Variants in MNAT1 observed in about 807,000 individuals in gnomAD.
The protein encoded by MNAT1 is MNAT1 component of CDK activating kinase, also known as CDK-activating kinase assembly factor MAT1.
Under a neutral mutation model 42.0 loss-of-function variants are expected in MNAT1, and 43 were observed. That is an observed-to-expected ratio of 1.02 (90% confidence interval 0.80 to 1.32). The LOEUF (loss-of-function observed/expected upper bound fraction) is 1.32. MNAT1 is among the 40% of genes most tolerant of loss of function. The pLI is 0.00. For synonymous variants in MNAT1, 118 were observed against 120.0 expected (o/e 0.98, Z 0.11); for missense variants, 306 against 350.4 (o/e 0.87, Z 1.01).
rs1333536332 is a variant in MNAT1, at chr14:60,969,669, C to T, written c.*1320C>T. ...TATTCCTGTATCTATTAGGTATTCC[C>T]GAACTGAGGATTAGTGTTTTTAAGT... On this transcript the variant is annotated 3_prime_UTR_variant, in exon 8 of 8. Transcript: ENST00000261245. 3 of 151,800 alleles carry T rather than the reference C, an allele frequency of 2.0e-5. No homozygotes were observed. The highest frequency in any genetic ancestry group is 3.9e-4 in the East Asian group (2 of 5,190). The allele number at this position is 151,800 out of a possible 1,614,324, so 9.4% of individuals were successfully genotyped here.
intron 7 of MNAT1, among the ~76,000 whole-genome samples, chr14:60,945,476 C>T (rs2036252958): frequency 6.6e-6 from 1 of 152,060 alleles, no homozygotes; most frequent in African/African-American, 2.4e-5. Flanking sequence ...AATATGGGCC[C>T]AGTCTCAAAG....
At chr14:60,945,969 T>C (rs2036265387) in intron 7 of MNAT1, among the ~76,000 whole-genome samples, 1 of 152,200 alleles carries the variant, frequency 6.6e-6, no homozygotes, top group Admixed American at 6.5e-5. Context: ...AGCCACACTC[T>C]AACTATAAAC....
At chr14:60,784,015 T>A (rs12878775) in intron 1 of MNAT1, among the ~76,000 whole-genome samples, 2,855 of 151,606 alleles carry the variant, frequency 0.019, 106 homozygotes, top group African/African-American at 0.066. Context: ...TTATTTTATT[T>A]ATTTAATTTG....
intron 4 of MNAT1, among the ~76,000 whole-genome samples, chr14:60,810,988 A>G (rs545788609): frequency 2.6e-4 from 39 of 151,954 alleles, no homozygotes; most frequent in Admixed American, 1.2e-3. Context: ...ATTGCTGTCT[A>G]TCTCTCCCTT....
chr14:60,923,889 A>G (rs1199953647), intron 7 of MNAT1, among the ~76,000 whole-genome samples: 1 of 152,192 alleles, frequency 6.6e-6, no homozygotes, highest in African/African-American at 2.4e-5. Flanking sequence ...CTGAGAACCC[A>G]GGACTGCACT....
chr14:60,910,169 G>A (rs1022108668), intron 7 of MNAT1, among the ~76,000 whole-genome samples: 2 of 152,202 alleles, frequency 1.3e-5, no homozygotes, highest in African/African-American at 4.8e-5. Flanking sequence ...TTTGTACACT[G>A]ATTTTTTATC....
rs559822046 is a variant in MNAT1, at chr14:60,765,472, G to A, written c.89+30521G>A. Among the ~76,000 whole-genome samples the A allele has an allele frequency of 2.6e-5, 4 of 152,246 alleles. No homozygotes were observed. The East Asian group carries it at 7.7e-4, about 29-fold the overall frequency. The stretch of plus-strand genomic sequence containing the variant: ...ACCACCATGGCATGTGTATACTTAT[G>A]TAACAAACCTGCACGTTCTGCACAT... On this transcript the variant is annotated intron_variant, in intron 1 of 7. Coordinates refer to ENST00000261245, the MANE Select transcript of MNAT1 (RefSeq NM_002431.4).
intron 3 of MNAT1, among the ~76,000 whole-genome samples, chr14:60,801,409 A>G (rs1294274787): frequency 6.6e-6 from 1 of 152,246 alleles, no homozygotes; most frequent in Admixed American, 6.5e-5. Context: ...GTGAAGAAGT[A>G]ATCTACAGAG....
At chr14:60,951,266 CTTTTTTTT>C (rs33970682) in intron 7 of MNAT1, among the ~76,000 whole-genome samples, 2 of 87,892 alleles carry the variant, frequency 2.3e-5, no homozygotes, top group African/African-American at 8.8e-5. Flanking sequence ...CTTCCCCTCC[CTTTTTTTT>C]TTTTTTTTTT....
rs139518624 is a variant in MNAT1, at chr14:60,894,797, A to G, written c.809+14962A>G. 4.7e-3 allele frequency among the ~76,000 whole-genome samples: 722 copies of G among 152,226 alleles called. 5 individuals are homozygous for G. The highest frequency in any genetic ancestry group is 0.017 in the African/African-American group (687 of 41,548). ...GAAGTAGACTTTTGTCTTTGTCCAT[A>G]AAGACTGTACATACATTTTATATCT... On this transcript the variant is annotated intron_variant, in intron 7 of 7. Transcript: ENST00000261245.
intron 7 of MNAT1, among the ~76,000 whole-genome samples, chr14:60,963,072 C>T (rs1052014048): frequency 2.0e-5 from 3 of 152,150 alleles, no homozygotes; most frequent in Non-Finnish European, 2.9e-5. Flanking sequence ...ACCTCCACCT[C>T]CCGGGTTCAA....
intron 7 of MNAT1, among the ~76,000 whole-genome samples, chr14:60,950,564 C>A (rs1366752178): frequency 6.6e-6 from 1 of 152,152 alleles, no homozygotes. Context: ...AACACAAATT[C>A]GTAAACTTTC....
At chr14:60,926,047 C>T (rs998249372) in intron 7 of MNAT1, among the ~76,000 whole-genome samples, 2 of 152,136 alleles carry the variant, frequency 1.3e-5, no homozygotes, top group South Asian at 2.1e-4. Flanking sequence ...ACTTTCATCA[C>T]AATACTGTTC....
At chr14:60,742,475 ACAGT>A (rs1434675772) in intron 1 of MNAT1, among the ~76,000 whole-genome samples, 2 of 152,326 alleles carry the variant, frequency 1.3e-5, no homozygotes, top group East Asian at 3.9e-4. Flanking sequence ...TTTGCTTTAA[ACAGT>A]CAGTTGTCTT....
intron 7 of MNAT1, among the ~76,000 whole-genome samples, chr14:60,906,980 A>G (rs1357192065): frequency 6.6e-6 from 1 of 152,158 alleles, no homozygotes; most frequent in Non-Finnish European, 1.5e-5. Flanking sequence ...CCCAACCCCA[A>G]TAGCCACAAA....
chr14:60,891,780 A>G (rs2034850739), intron 7 of MNAT1, among the ~76,000 whole-genome samples: 2 of 151,838 alleles, frequency 1.3e-5, no homozygotes. Flanking sequence ...TAATGTTAGC[A>G]CTCATAGCTA....
chr14:60,851,478 C>T (rs1404564006), intron 6 of MNAT1, among the ~76,000 whole-genome samples: 1 of 152,052 alleles, frequency 6.6e-6, no homozygotes, highest in Admixed American at 6.5e-5. Flanking sequence ...CACTTTGTGT[C>T]TCTGTGTCAC....
At chr14:60,877,641 A>C (rs906335924) in intron 6 of MNAT1, among the ~76,000 whole-genome samples, 1 of 152,052 alleles carries the variant, frequency 6.6e-6, no homozygotes, top group African/African-American at 2.4e-5. Context: ...AATTGATAGA[A>C]CTATACCAAG....
At chr14:60,743,833 C>G (rs184125456) in intron 1 of MNAT1, among the ~76,000 whole-genome samples, 35 of 152,194 alleles carry the variant, frequency 2.3e-4, no homozygotes, top group African/African-American at 8.4e-4. Context: ...TTCTATTGAT[C>G]TATCTTCAGG....
Sources: gnomAD v4.1 joint callset for allele counts (sites outside exome capture counted in the v4.1 genomes callset) on GRCh38, gnomAD v4.1.1 for gene constraint, MANE v1.5 for transcripts, NCBI Gene and HGNC (gene_info 2026-07-23, HGNC 2026-07-21) for gene names.